The following MALRD1 variants were observed in gnomAD, a reference collection of about 807,000 sequenced individuals.
MALRD1 encodes MAM and LDL receptor class A domain containing 1.
MALRD1 carries 247 observed loss-of-function variants against 242.1 expected under a neutral mutation model. The ratio of observed to expected loss-of-function variants is 1.02; its 90% CI spans 0.92 to 1.13. The LOEUF is 1.13. Ranked by LOEUF, MALRD1 falls within the 50% of genes most tolerant of loss-of-function variation. The pLI is 0.00. For missense variants in MALRD1, 2,989 were observed against 2,533.1 expected, an observed-to-expected ratio of 1.18 and a Z score of -3.86; for synonymous variants, 995 against 866.6, an observed-to-expected ratio of 1.15 and a Z score of -2.60.
intron 1 of MALRD1, among the ~76,000 whole-genome samples, chr10:19,059,182 A>G (rs1834749892): frequency 1.3e-5 from 2 of 152,216 alleles, no homozygotes; most frequent in African/African-American, 2.4e-5. Context: ...GATGCTATTT[A>G]GAAATGAGAA....
At chr10:19,385,636 G>A (rs1417185674) in intron 26 of MALRD1, among the ~76,000 whole-genome samples, 2 of 151,676 alleles carry the variant, frequency 1.3e-5, no homozygotes, top group African/African-American at 4.8e-5. Flanking sequence ...TTTATTCTTT[G>A]TTCATCTAGC....
intron 31 of MALRD1, among the ~76,000 whole-genome samples, chr10:19,511,705 T>C (rs1041668907): frequency 1.3e-5 from 2 of 152,212 alleles, no homozygotes; most frequent in African/African-American, 4.8e-5. Flanking sequence ...CAGGGTGAAC[T>C]AGAGGATCTC....
intron 33 of MALRD1, among the ~76,000 whole-genome samples, chr10:19,577,670 T>C (rs569434764): frequency 6.6e-6 from 1 of 152,262 alleles, no homozygotes; most frequent in East Asian, 1.9e-4. Flanking sequence ...GTCCCAACAC[T>C]CTGTCTTAAA....
Position 19,064,539 on chromosome 10 carries a change from C to T in MALRD1, c.200-2180C>T, listed in dbSNP as rs1160477943. Among the ~76,000 whole-genome samples the T allele has an allele frequency of 2.0e-5, 3 of 148,688 alleles. No homozygotes were observed. In the East Asian group the frequency reaches 5.9e-4, roughly 29 times the overall value. ...TTTTTTGGTAAGAATTAATTGAAAA[C>T]CTGTGCTCATTAGATTCATTTTATA... On this transcript the variant is annotated intron_variant, in intron 1 of 39. Coordinates refer to ENST00000454679, the MANE Select transcript of MALRD1 (RefSeq NM_001142308.3).
At chr10:19,246,488 T>C (rs975748199) in intron 18 of MALRD1, among the ~76,000 whole-genome samples, 2 of 152,140 alleles carry the variant, frequency 1.3e-5, no homozygotes, top group South Asian at 2.1e-4. Context: ...AAAGCCTGGA[T>C]GTAATTTGAT....
At position 19,389,313 on chromosome 10, in the gene MALRD1, T is replaced by C. The variant is rs568586999; in HGVS notation, c.4688-139T>C. 4 of 959,494 alleles carry C rather than the reference T, an allele frequency of 4.2e-6. No homozygotes were observed. The South Asian group carries it at 5.6e-5, about 13-fold the overall frequency. 59.4% of individuals were successfully genotyped at this position (959,494 alleles called of 1,614,324 possible). A position where few individuals can be genotyped will look rare whatever the true frequency, so the allele number is the denominator to read the frequency against. ...AGCTAGAGGCGAGGCTATTAGATTT[T>C]CTTTCTGTTCCAAATGAAAATACTT... On this transcript the variant is annotated intron_variant, in intron 27 of 39. Transcript: ENST00000454679.
At chr10:19,264,733 G>A (rs10827172) in intron 19 of MALRD1, among the ~76,000 whole-genome samples, 20 of 152,134 alleles carry the variant, frequency 1.3e-4, no homozygotes, top group Non-Finnish European at 2.4e-4. Context: ...GATTACAGGC[G>A]TGAGCCACCA....
Position 19,133,934 on chromosome 10 carries a change from C to G in MALRD1, c.1189C>G (p.Leu397Val). The G allele has an allele frequency of 1.6e-6, 2 of 1,227,108 alleles. No individual in the cohort carries two copies. The highest frequency in any genetic ancestry group is 3.1e-5 in the African/African-American group (2 of 64,204). The allele number at this position is 1,227,108 out of a possible 1,614,324, so 76.0% of individuals were successfully genotyped here. Residue 397 changes from leucine (L) to valine (V), a missense_variant, in exon 9 of 40, where the codon CTG becomes GTG. Physicochemically the swap from Leu to Val is conservative, Grantham distance 32. Coordinates refer to ENST00000454679, the MANE Select transcript of MALRD1 (RefSeq NM_001142308.3). Reference protein sequence around the residue: ...VKADVLIPEDLKTFKIIFEGT... With the variant: ...VKADVLIPEDVKTFKIIFEGT... ...AGCAGATGTGTTAATACCAGAAGAT[C>G]TGAAGACATTTAAGGTATGAAAGAA...
At chr10:19,438,776 C>CT (rs1342767682) in intron 28 of MALRD1, among the ~76,000 whole-genome samples, 1 of 151,898 alleles carries the variant, frequency 6.6e-6, no homozygotes, top group Non-Finnish European at 1.5e-5. Flanking sequence ...TGGTGAGTGA[C>CT]TTTTTTTCTT....
At chr10:19,481,753 C>G (rs1837003177) in intron 29 of MALRD1, among the ~76,000 whole-genome samples, 2 of 151,958 alleles carry the variant, frequency 1.3e-5, no homozygotes, top group South Asian at 4.1e-4. Flanking sequence ...GAGTGTCTGG[C>G]CTATTATTCT....
intron 4 of MALRD1, among the ~76,000 whole-genome samples, chr10:19,102,813 C>G (rs1296591597): frequency 6.6e-6 from 1 of 151,746 alleles, no homozygotes; most frequent in African/African-American, 2.4e-5. Context: ...TTAGCGGTGT[C>G]TTGGGCGGGC....
intron 1 of MALRD1, among the ~76,000 whole-genome samples, chr10:19,059,030 T>A (rs1834746299): frequency 6.6e-6 from 1 of 152,134 alleles, no homozygotes; most frequent in Admixed American, 6.6e-5. Flanking sequence ...CAAAATGAGT[T>A]CATGCAAAAA....
At chr10:19,332,539 T>C (rs1843422955) in intron 24 of MALRD1, among the ~76,000 whole-genome samples, 1 of 152,200 alleles carries the variant, frequency 6.6e-6, no homozygotes, top group Admixed American at 6.5e-5. Flanking sequence ...AAGTGAGTTG[T>C]ATATAAATTG....
intron 5 of MALRD1, among the ~76,000 whole-genome samples, chr10:19,119,014 AG>A (rs1836970920): frequency 6.6e-6 from 1 of 152,180 alleles, no homozygotes; most frequent in Non-Finnish European, 1.5e-5. Flanking sequence ...TAAGATGATC[AG>A]GAAAGAGATG....
chr10:19,322,744 C>T (rs948060972), intron 21 of MALRD1, among the ~76,000 whole-genome samples: 16 of 152,142 alleles, frequency 1.1e-4, no homozygotes, highest in Admixed American at 6.6e-4. Flanking sequence ...ACTACTTCCA[C>T]CTCTCTTTCC....
chr10:19,425,799 C>T (rs1050605719), intron 28 of MALRD1, among the ~76,000 whole-genome samples: 3 of 151,960 alleles, frequency 2.0e-5, no homozygotes, highest in Admixed American at 6.6e-5. Flanking sequence ...TGGAGGAGGA[C>T]GATTGAATTG....
At chr10:19,678,214 T>C (rs948644485) in intron 36 of MALRD1, among the ~76,000 whole-genome samples, 3 of 152,178 alleles carry the variant, frequency 2.0e-5, no homozygotes, top group East Asian at 1.9e-4. Flanking sequence ...AGAATGTCAG[T>C]AGTCATTTAA....
At chr10:19,266,277 G>A (rs989757180) in intron 19 of MALRD1, among the ~76,000 whole-genome samples, 4 of 151,520 alleles carry the variant, frequency 2.6e-5, no homozygotes, top group African/African-American at 4.8e-5. Context: ...TAGCTGTTTC[G>A]TAGATCTTTT....
At chr10:19,283,940 A>G (rs1379296934) in intron 21 of MALRD1, among the ~76,000 whole-genome samples, 1 of 152,216 alleles carries the variant, frequency 6.6e-6, no homozygotes, top group Non-Finnish European at 1.5e-5. Flanking sequence ...GGAGACAGGC[A>G]GCAAGTCAAT....
Sources: gnomAD v4.1 joint callset for allele counts (sites outside exome capture counted in the v4.1 genomes callset) on GRCh38, gnomAD v4.1.1 for gene constraint, MANE v1.5 for transcripts, NCBI Gene and HGNC (gene_info 2026-07-23, HGNC 2026-07-21) for gene names.